Variants in ERG observed in about 807,000 individuals in gnomAD.
The protein encoded by ERG is transcriptional regulator ERG.
In ERG, 9 loss-of-function variants were observed where a neutral mutation model predicts 55.3. The observed-to-expected ratio is 0.16, with a 90% confidence interval of 0.10 to 0.28. The LOEUF (loss-of-function observed/expected upper bound fraction) is 0.28, where lower values mean the gene tolerates loss of function less well. ERG is among the 10% of genes least tolerant of loss of function. The pLI, the probability that ERG is intolerant of heterozygous loss-of-function variation, is 1.00. For missense variants in ERG, 434 were observed against 631.6 expected (o/e 0.69, Z 3.35); for synonymous variants, 223 against 237.3 (o/e 0.94, Z 0.55).
chr21:38,436,611 A>G (rs2058792628), intron 2 of ERG, among the ~76,000 whole-genome samples: 1 of 152,230 alleles, frequency 6.6e-6, no homozygotes, highest in South Asian at 2.1e-4. Context: ...TCATCCGTAA[A>G]TGTGAATAAT....
intron 2 of ERG, among the ~76,000 whole-genome samples, chr21:38,523,346 T>C (rs2836459): frequency 0.25 from 37,973 of 152,184 alleles, 4,979 homozygotes; most frequent in East Asian, 0.51. Flanking sequence ...TGTAACTTTT[T>C]GTAGAATCCA....
At position 38,382,259 on chromosome 21, in the gene ERG, C is replaced by A. The variant is rs2146408033; in HGVS notation, c.*1144G>T. 9.5e-7 allele frequency: 1 copy of A among 1,051,312 alleles called. No individual in the cohort carries two copies. The highest frequency in any genetic ancestry group is 5.4e-5 in the East Asian group (1 of 18,496). 65.1% of individuals were successfully genotyped at this position (1,051,312 alleles called of 1,614,324 possible). A position where few individuals can be genotyped will look rare whatever the true frequency, so the allele number is the denominator to read the frequency against. On this transcript the variant is annotated 3_prime_UTR_variant, in exon 10 of 10. Transcript: ENST00000288319. ...AGGGGGAAAAACATTGACTTGTATA[C>A]TTCATTCTGACAAACGCACAGCGTT...
intron 1 of ERG, among the ~76,000 whole-genome samples, chr21:38,624,158 A>G (rs467207): frequency 0.81 from 122,529 of 152,058 alleles, 49,702 homozygotes; most frequent in African/African-American, 0.9. Context: ...GCCATGCTCC[A>G]CCACCCATCC....
chr21:38,485,461 C>CTTTT (rs34211335), intron 1 of ERG, among the ~76,000 whole-genome samples: 1 of 130,396 alleles, frequency 7.7e-6, no homozygotes, highest in Non-Finnish European at 1.6e-5. Flanking sequence ...AATATACAGT[C>CTTTT]TTTTTTTTTT....
chr21:38,402,410 T>C, intron 5 of ERG, 147 bp downstream of exon 5: 1 of 604,986 alleles, frequency 1.7e-6, no homozygotes, highest in Non-Finnish European at 2.8e-6. Flanking sequence ...TAGGCTGTGG[T>C]ACATTCCTAA....
intron 2 of ERG, 77 bp downstream of exon 2, chr21:38,445,327 G>A: frequency 1.8e-6 from 2 of 1,139,776 alleles, no homozygotes; most frequent in Non-Finnish European, 2.6e-6. Flanking sequence ...AGAGAAGCAT[G>A]ACTGACTTCC....
chr21:38,433,594 C>A (rs1002567227), intron 2 of ERG, among the ~76,000 whole-genome samples: 2 of 151,556 alleles, frequency 1.3e-5, no homozygotes, highest in African/African-American at 4.8e-5. Flanking sequence ...ATGGAAAGAA[C>A]CCGCAATGAA....
intron 2 of ERG, among the ~76,000 whole-genome samples, chr21:38,573,876 C>T (rs983821754): frequency 6.6e-6 from 1 of 152,104 alleles, no homozygotes; most frequent in African/African-American, 2.4e-5. Context: ...GGAAGGTCAC[C>T]CCTTCAGATA....
rs183796741 is a variant in ERG at position 38,404,175 on chromosome 21, A to G, written c.389-466T>C. 2.8e-3 allele frequency among the ~76,000 whole-genome samples: 421 copies of G among 152,300 alleles called. 4 individuals are homozygous for G. The highest frequency in any genetic ancestry group is 9.3e-3 in the African/African-American group (388 of 41,538). On this transcript the variant is annotated intron_variant, in intron 3 of 9. Coordinates refer to ENST00000288319, the MANE Select transcript of ERG (RefSeq NM_182918.4). ...ACAGATCACAACAACAACAAAAATA[A>G]TAATAACAGTATTTATGCAAAATAC... is the stretch of plus-strand genomic sequence containing the variant.
At chr21:38,494,949 G>A (rs1029814084) in intron 1 of ERG, among the ~76,000 whole-genome samples, 1 of 152,236 alleles carries the variant, frequency 6.6e-6, no homozygotes, top group African/African-American at 2.4e-5. Flanking sequence ...CCACTTTTCG[G>A]CAAGGACAAA....
chr21:38,542,216 C>T (rs1568897835), intron 2 of ERG, among the ~76,000 whole-genome samples: 2 of 152,114 alleles, frequency 1.3e-5, no homozygotes, highest in Non-Finnish European at 2.9e-5. Context: ...TCTCGAACTC[C>T]TGACCTCGTG....
chr21:38,628,223 C>T (rs1344756817), intron 1 of ERG, among the ~76,000 whole-genome samples: 1 of 152,166 alleles, frequency 6.6e-6, no homozygotes, highest in African/African-American at 2.4e-5. Flanking sequence ...GTGCTGGAAT[C>T]AGAGGTGTGA....
At chr21:38,538,693 T>C (rs1209649683) in intron 2 of ERG, among the ~76,000 whole-genome samples, 1 of 152,132 alleles carries the variant, frequency 6.6e-6, no homozygotes, top group Non-Finnish European at 1.5e-5. Flanking sequence ...CTTTCAACTA[T>C]ATGGCCAAAC....
intron 9 of ERG, among the ~76,000 whole-genome samples, chr21:38,386,087 A>G (rs1389009134): frequency 6.6e-6 from 1 of 152,192 alleles, no homozygotes; most frequent in Non-Finnish European, 1.5e-5. Context: ...GAATCAGTGG[A>G]CAAAAGTGAT....
intron 1 of ERG, among the ~76,000 whole-genome samples, chr21:38,453,190 C>T (rs1350426996): frequency 6.6e-6 from 1 of 152,216 alleles, no homozygotes; most frequent in Non-Finnish European, 1.5e-5. Context: ...ACCTTCAATC[C>T]ACATAGGCTT....
intron 2 of ERG, among the ~76,000 whole-genome samples, chr21:38,514,777 G>A (rs1015686046): frequency 7.9e-5 from 12 of 151,902 alleles, no homozygotes; most frequent in African/African-American, 2.9e-4. Flanking sequence ...GAAATGCAAT[G>A]TTAAAGGATT....
In ERG at chr21:38,383,341, G is replaced by C; in HGVS notation, c.*62C>G. 1 of 1,409,624 alleles carries C rather than the reference G, an allele frequency of 7.1e-7. No individual in the cohort carries two copies. The highest frequency in any genetic ancestry group is 2.4e-5 in the East Asian group (1 of 41,636). The allele number at this position is 1,409,624 out of a possible 1,614,324, so 87.3% of individuals were successfully genotyped here. A position where few individuals can be genotyped will look rare whatever the true frequency, so the allele number is the denominator to read the frequency against. ...GAGGCACTTTTGATTCATGTTCTCC[G>C]ATAGAGTTTGTGGCGATGGGCTGGT... On this transcript the variant is annotated 3_prime_UTR_variant, in exon 10 of 10. Transcript: ENST00000288319. The surrounding 1 kb of genome is among the most constrained non-coding windows in gnomAD (Gnocchi z 5.7).
rs572062463 is a variant in ERG at position 38,576,403 on chromosome 21, T to A, written c.-126-656A>T. Among the ~76,000 whole-genome samples, 414 of 152,316 alleles carry A rather than the reference T, an allele frequency of 2.7e-3. 1 individual carries two copies. Among genetic ancestry groups the A allele is most frequent in the Non-Finnish European group, 5.1e-3 (345 of 68,018 alleles). ...CGACAGAACCAAACTTCAAATCAGA[T>A]TAGGCTATCTGACTCCAGAGCCCAA... is the stretch of plus-strand genomic sequence containing the variant. On this transcript the variant is annotated intron_variant, in intron 1 of 8. Coordinates refer to the ERG transcript ENST00000398897.
chr21:38,555,012 AT>A (rs1334414766), intron 2 of ERG, among the ~76,000 whole-genome samples: 4 of 152,280 alleles, frequency 2.6e-5, no homozygotes, highest in Admixed American at 2.0e-4. Flanking sequence ...ACAAAAAAAA[AT>A]GTTAACAAAT....
Sources: allele counts gnomAD v4.1 joint callset (sites outside exome capture counted in the v4.1 genomes callset), GRCh38; gene constraint gnomAD v4.1.1; non-coding constraint Gnocchi (gnomAD v3.1); transcripts MANE v1.5; gene names NCBI Gene and HGNC (gene_info 2026-07-23, HGNC 2026-07-21).